TLE4: variants seen among roughly 807,000 people sequenced by gnomAD.
The protein encoded by TLE4 is TLE family member 4, transcriptional corepressor, also known as transducin-like enhancer protein 4.
TLE4 carries 8 observed loss-of-function variants against 92.8 expected under a neutral mutation model. That is an observed-to-expected ratio of 0.09 (90% confidence interval 0.05 to 0.16). TLE4 has a LOEUF of 0.16. Among genes scored for constraint, TLE4 ranks in the 10% least tolerant of loss-of-function variants. The pLI is 1.00. For missense variants in TLE4, 675 were observed against 997.6 expected (o/e 0.68, Z 4.36); for synonymous variants, 371 against 374.1 (o/e 0.99, Z 0.10).
chr9:79,705,828 T>C, intron 9 of TLE4, 61 bp from the exon 10 acceptor site: 1 of 1,529,190 alleles, frequency 6.5e-7, no homozygotes, highest in Non-Finnish European at 9.1e-7. Context: ...TGGACTTACT[T>C]AGGGTAAATG....
At chr9:79,613,563 A>T (rs1194688296) in intron 5 of TLE4, among the ~76,000 whole-genome samples, 1 of 152,172 alleles carries the variant, frequency 6.6e-6, no homozygotes, top group Non-Finnish European at 1.5e-5. Context: ...CACTCTAAGA[A>T]GGAAGGAGCT....
At chr9:79,579,621 A>G (rs556436161) in intron 4 of TLE4, among the ~76,000 whole-genome samples, 4 of 152,168 alleles carry the variant, frequency 2.6e-5, no homozygotes, top group East Asian at 1.9e-4. Flanking sequence ...AGTACTGCAC[A>G]TTTATGTATG....
At chr9:79,581,035 C>A (rs1277647996) in intron 4 of TLE4, among the ~76,000 whole-genome samples, 1 of 152,012 alleles carries the variant, frequency 6.6e-6, no homozygotes, top group Admixed American at 6.6e-5. Flanking sequence ...TTAAAGCCAC[C>A]TTTTCTAATT....
chr9:79,604,708 G>A (rs1288843245), intron 4 of TLE4, among the ~76,000 whole-genome samples: 1 of 152,094 alleles, frequency 6.6e-6, no homozygotes, highest in Non-Finnish European at 1.5e-5. Flanking sequence ...TATAAAAGGT[G>A]GCTTGTTTCC....
intron 19 of TLE4, 21 bp from the exon 20 acceptor site, chr9:79,725,016 G>T (rs1407194246): frequency 3.2e-6 from 5 of 1,582,242 alleles, no homozygotes; most frequent in South Asian, 2.2e-5. Context: ...TAACATTTTT[G>T]ATTATATGTT....
intron 8 of TLE4, among the ~76,000 whole-genome samples, chr9:79,684,058 A>G (rs1421007360): frequency 6.6e-6 from 1 of 152,242 alleles, no homozygotes; most frequent in Non-Finnish European, 1.5e-5. Flanking sequence ...TATTTCTAAT[A>G]TGGATGTCTT....
intron 6 of TLE4, among the ~76,000 whole-genome samples, chr9:79,640,298 G>T (rs545269469): frequency 1.3e-5 from 2 of 152,212 alleles, no homozygotes; most frequent in Admixed American, 6.5e-5. Flanking sequence ...GAAGAAACAG[G>T]TTAAACCACA....
chr9:79,630,631 G>T (rs937637312), intron 6 of TLE4, among the ~76,000 whole-genome samples: 2 of 151,776 alleles, frequency 1.3e-5, no homozygotes, highest in African/African-American at 2.4e-5. Flanking sequence ...ATCTCTGCGA[G>T]ATCACACTGT....
At chr9:79,685,345 A>G (rs1427476900) in intron 8 of TLE4, among the ~76,000 whole-genome samples, 2 of 152,114 alleles carry the variant, frequency 1.3e-5, no homozygotes, top group African/African-American at 4.8e-5. Flanking sequence ...TGTTTATGCA[A>G]GCTCATTTCT....
intron 6 of TLE4, among the ~76,000 whole-genome samples, chr9:79,642,138 T>C (rs939771596): frequency 1.3e-5 from 2 of 151,934 alleles, no homozygotes; most frequent in African/African-American, 4.8e-5. Context: ...CTAGATGACA[T>C]CTGAGGTTCA....
chr9:79,702,057 A>G (rs1375090853), intron 8 of TLE4, among the ~76,000 whole-genome samples: 2 of 152,232 alleles, frequency 1.3e-5, no homozygotes, highest in Non-Finnish European at 2.9e-5. Context: ...GGGGATTTCA[A>G]AAGATAGATC....
At chr9:79,722,055 C>T (rs2075735762) in intron 17 of TLE4, among the ~76,000 whole-genome samples, 167 bp downstream of exon 17, 1 of 152,166 alleles carries the variant, frequency 6.6e-6, no homozygotes, top group Non-Finnish European at 1.5e-5. Context: ...GTCCCAGCTA[C>T]TTAGGAGGCT....
At chr9:79,575,040 C>A in intron 3 of TLE4, 104 bp downstream of exon 3, 2 of 895,422 alleles carry the variant, frequency 2.2e-6, no homozygotes, top group Non-Finnish European at 1.8e-6. Flanking sequence ...CACAGTCACC[C>A]TGCCAGTGCA....
At chr9:79,636,060 C>G (rs576761610) in intron 6 of TLE4, among the ~76,000 whole-genome samples, 5 of 152,190 alleles carry the variant, frequency 3.3e-5, no homozygotes, top group Non-Finnish European at 7.4e-5. Context: ...GATAGGCTAC[C>G]ATGTTTCCGC....
At chr9:79,630,531 C>G (rs553447166) in intron 6 of TLE4, among the ~76,000 whole-genome samples, 1 of 152,184 alleles carries the variant, frequency 6.6e-6, no homozygotes, top group Admixed American at 6.5e-5. Context: ...TCAGGCCTTC[C>G]CCAAGTTCCC....
chr9:79,599,411 C>T (rs1223639565), intron 4 of TLE4, among the ~76,000 whole-genome samples: 1 of 152,096 alleles, frequency 6.6e-6, no homozygotes, highest in Admixed American at 6.6e-5. Context: ...TGAGTTAATT[C>T]GTCTGGAGTG....
chr9:79,690,779 C>CTTTT lies in TLE4; in HGVS notation c.610-13979_610-13976dup, dbSNP rs35528090. On this transcript the variant is annotated intron_variant, in intron 8 of 19. Transcript: ENST00000376552. The stretch of plus-strand genomic sequence containing the variant: ...TATAGGAATGTGCCACCACTCCTGG[C>CTTTT]TTTTTTTTTTTTTTTTTTTTTTTTT... Among the ~76,000 whole-genome samples the CTTTT allele has an allele frequency of 3.1e-4, 17 of 54,162 alleles. 1 individual carries two copies. The highest frequency in any genetic ancestry group is 1.4e-3 in the Admixed American group (5 of 3,582). The allele number at this position is 54,162 out of a possible 152,430, so 35.5% of individuals were successfully genotyped here.
At chr9:79,623,223 T>A (rs1317559539) in intron 5 of TLE4, among the ~76,000 whole-genome samples, 1 of 152,034 alleles carries the variant, frequency 6.6e-6, no homozygotes, top group East Asian at 1.9e-4. Context: ...AATTCTGAGG[T>A]GTACTATAGC....
intron 5 of TLE4, among the ~76,000 whole-genome samples, chr9:79,624,896 T>G (rs368587142): frequency 5.1e-4 from 78 of 152,296 alleles, no homozygotes; most frequent in Admixed American, 2.0e-3. Context: ...GCTTTAAAAC[T>G]TTTGTTGAAT....
Sources: allele counts gnomAD v4.1 joint callset (sites outside exome capture counted in the v4.1 genomes callset), GRCh38; gene constraint gnomAD v4.1.1; transcripts MANE v1.5; gene names NCBI Gene and HGNC (gene_info 2026-07-23, HGNC 2026-07-21).